The following ZNF536 variants were observed in gnomAD, a reference collection of about 807,000 sequenced individuals.
ZNF536 encodes zinc finger protein 536.
A neutral mutation model predicts 84.5 loss-of-function variants in ZNF536; 13 were observed. The observed-to-expected ratio is 0.15, with a 90% CI of 0.10 to 0.24. ZNF536 has a LOEUF of 0.24. Ranked by LOEUF, ZNF536 falls within the 10% of genes least tolerant of loss-of-function variation. The probability of loss-of-function intolerance (pLI) is 1.00; values close to 1 mark genes in which losing one functional copy is unlikely to be tolerated. For synonymous variants in ZNF536, 811 were observed against 742.5 expected, an observed-to-expected ratio of 1.09 and a Z score of -1.50; for missense variants, 1,536 against 1,747.5, an observed-to-expected ratio of 0.88 and a Z score of 2.16.
At chr19:30,500,319 C>T (rs1568490051) in intron 2 of ZNF536, among the ~76,000 whole-genome samples, 2 of 151,682 alleles carry the variant, frequency 1.3e-5, no homozygotes, top group African/African-American at 4.8e-5. Context: ...CAACCCTGGG[C>T]TCACTCCTGT....
At chr19:30,563,317 T>C (rs2046238192) in intron 1 of ZNF536, among the ~76,000 whole-genome samples, 1 of 152,226 alleles carries the variant, frequency 6.6e-6, no homozygotes, top group Non-Finnish European at 1.5e-5. Flanking sequence ...GGAACCTATA[T>C]GATAATTCAA....
intron 1 of ZNF536, among the ~76,000 whole-genome samples, chr19:30,241,298 C>T (rs899233757): frequency 1.3e-5 from 2 of 152,154 alleles, no homozygotes; most frequent in African/African-American, 4.8e-5. Context: ...CTAGGTGACA[C>T]GGCGAGACCC....
At chr19:30,226,396 C>A (rs73924240), upstream of ZNF536, among the ~76,000 whole-genome samples, 63 of 151,588 alleles carry the variant, frequency 4.2e-4, 2 homozygotes, top group African/African-American at 1.5e-3. This position sits in a 1 kb window ranked among gnomAD's most constrained non-coding sequence, Gnocchi z 4.6. Flanking sequence ...TAATTTGCAA[C>A]CTTTTTTTTT....
intron 1 of ZNF536, among the ~76,000 whole-genome samples, chr19:30,658,333 G>A (rs987290018): frequency 3.9e-5 from 6 of 151,930 alleles, no homozygotes; most frequent in African/African-American, 1.5e-4. Flanking sequence ...TTCTGTTCCC[G>A]CTTGATTAAA....
In ZNF536 at chr19:30,430,408, G is replaced by A. The variant is rs190702606; in HGVS notation, c.-2-13153G>A. Among the ~76,000 whole-genome samples the A allele has an allele frequency of 2.0e-3, 309 of 152,242 alleles. 4 individuals carry two copies. Among genetic ancestry groups the A allele is most frequent in the South Asian group, 5.8e-3 (28 of 4,830 alleles). On this transcript the variant is annotated intron_variant, in intron 1 of 4. Transcript: ENST00000355537. ...TGCTGGGGGGGACCCTGGTGAAGCCGATGGTCACAGTGTGGCCCTCATGGG... is the reference window on the plus strand; with the variant it reads ...TGCTGGGGGGGACCCTGGTGAAGCCAATGGTCACAGTGTGGCCCTCATGGG...
At chr19:30,469,334 C>A (rs995937488) in intron 2 of ZNF536, among the ~76,000 whole-genome samples, 1 of 152,076 alleles carries the variant, frequency 6.6e-6, no homozygotes, top group Admixed American at 6.5e-5. Context: ...ATGGCATGAA[C>A]CCAGAAGGCG....
intron 3 of ZNF536, among the ~76,000 whole-genome samples, chr19:30,539,285 A>G (rs962745374): frequency 1.4e-4 from 22 of 152,140 alleles, no homozygotes; most frequent in African/African-American, 5.3e-4. Context: ...ATGCAGATCA[A>G]TGTCCCAGCT....
chr19:30,697,640 G>A (rs1224066409), intron 1 of ZNF536, among the ~76,000 whole-genome samples: 1 of 152,174 alleles, frequency 6.6e-6, no homozygotes, highest in Non-Finnish European at 1.5e-5. Context: ...CAACCGATAA[G>A]AGGCAGATAC....
intron 1 of ZNF536, among the ~76,000 whole-genome samples, chr19:30,688,339 A>G (rs1391906218): frequency 6.6e-6 from 1 of 152,202 alleles, no homozygotes; most frequent in Admixed American, 6.5e-5. Context: ...TGTGTGCGTG[A>G]GGACTCTTTG....
chr19:30,243,454 G>C (rs1192231792), intron 1 of ZNF536, among the ~76,000 whole-genome samples: 2 of 152,150 alleles, frequency 1.3e-5, no homozygotes, highest in Non-Finnish European at 2.9e-5. Flanking sequence ...TCTGTAGTAA[G>C]AATTGTCTGG....
At chr19:30,374,684 A>G (rs2048739386) in intron 1 of ZNF536, among the ~76,000 whole-genome samples, 1 of 48,700 alleles carries the variant, frequency 2.1e-5, no homozygotes, top group Non-Finnish European at 4.0e-5. Context: ...CAACAAACTG[A>G]GTGTTGTTTT....
At chr19:30,316,607 G>A (rs1054828748) in intron 2 of ZNF536, among the ~76,000 whole-genome samples, 2 of 152,176 alleles carry the variant, frequency 1.3e-5, no homozygotes, top group African/African-American at 4.8e-5. Flanking sequence ...TAGGGTAGGG[G>A]AGGGTTGGCT....
In ZNF536 at chr19:30,613,630, TTTTTG is replaced by T. The variant is rs1409244401; in HGVS notation, c.169+64131_169+64135del. Among the ~76,000 whole-genome samples, 6 of 152,288 alleles carry T rather than the reference TTTTTG, an allele frequency of 3.9e-5. No homozygotes were observed. In the East Asian group the frequency reaches 1.2e-3, roughly 29 times the overall value. Reference sequence around the variant, plus strand: ...TCATTTTTAAGCACTCAGGAAGTGTTTTTTGTTTTGTTTTGTTTTTACACAAGCAC... The same window carrying T: ...TCATTTTTAAGCACTCAGGAAGTGTTTTTTGTTTTGTTTTTACACAAGCAC... On this transcript the variant is annotated intron_variant, in intron 1 of 1. Coordinates refer to the ZNF536 transcript ENST00000592773.
At chr19:30,516,216 A>G (rs1049812944) in intron 2 of ZNF536, among the ~76,000 whole-genome samples, 2 of 152,190 alleles carry the variant, frequency 1.3e-5, no homozygotes, top group Non-Finnish European at 2.9e-5. Flanking sequence ...AGAGAGAACT[A>G]GGTACCTCAC....
intron 2 of ZNF536, among the ~76,000 whole-genome samples, chr19:30,487,224 G>A (rs59757972): frequency 0.016 from 2,490 of 152,272 alleles, 57 homozygotes; most frequent in African/African-American, 0.057. Flanking sequence ...AGTTACCTGC[G>A]TGGAAATGTT....
intron 1 of ZNF536, among the ~76,000 whole-genome samples, chr19:30,694,416 A>C (rs1431554261): frequency 1.3e-5 from 2 of 152,144 alleles, no homozygotes; most frequent in Non-Finnish European, 2.9e-5. Context: ...CCCTGCCCCA[A>C]CCTCAAAGAA....
chr19:30,686,453 G>A (rs1366418106), intron 1 of ZNF536, among the ~76,000 whole-genome samples: 1 of 152,164 alleles, frequency 6.6e-6, no homozygotes. Context: ...CACACCCAGG[G>A]GCACTGACAA....
At chr19:30,375,272 C>A (rs1202492102) in intron 1 of ZNF536, among the ~76,000 whole-genome samples, 1 of 149,446 alleles carries the variant, frequency 6.7e-6, no homozygotes, top group Non-Finnish European at 1.5e-5. Context: ...CGGCCCTGCC[C>A]GCGCCCGGGC....
intron 1 of ZNF536, among the ~76,000 whole-genome samples, chr19:30,281,131 G>T (rs372953388): frequency 3.3e-5 from 5 of 152,166 alleles, no homozygotes; most frequent in African/African-American, 1.2e-4. Flanking sequence ...CCCCTTTGAA[G>T]TCCCTCTCTC....
Sources: allele counts gnomAD v4.1 joint callset (sites outside exome capture counted in the v4.1 genomes callset), GRCh38; gene constraint gnomAD v4.1.1; non-coding constraint Gnocchi (gnomAD v3.1); transcripts MANE v1.5; gene names NCBI Gene and HGNC (gene_info 2026-07-23, HGNC 2026-07-21).